SHC2: variants seen among roughly 807,000 people sequenced by gnomAD.
SHC2 encodes the protein SHC-transforming protein 2.
A neutral mutation model predicts 60.6 loss-of-function variants in SHC2; 62 were observed. The ratio of observed to expected loss-of-function variants is 1.02; its 90% CI spans 0.83 to 1.26. The LOEUF is 1.26. SHC2 is among the 50% of genes most tolerant of loss of function. The probability of loss-of-function intolerance (pLI) is 0.00; values close to 1 mark genes in which losing one functional copy is unlikely to be tolerated. For missense variants in SHC2, 873 were observed against 822.2 expected (o/e 1.06, Z -0.76); for synonymous variants, 375 against 372.4 (o/e 1.01, Z -0.08).
At chr19:458,757 C>T (rs113686673) in intron 1 of SHC2, among the ~76,000 whole-genome samples, 64 of 61,582 alleles carry the variant, frequency 1.0e-3, no homozygotes, top group African/African-American at 1.3e-3. Flanking sequence ...AAGCGGGTCC[C>T]GGGGAGGCGG....
chr19:446,601 G>A lies in SHC2; in HGVS notation c.469-5669C>T, dbSNP rs1032435081. Among the ~76,000 whole-genome samples, 26 of 152,272 alleles carry A rather than the reference G, an allele frequency of 1.7e-4. 1 individual carries two copies. Among genetic ancestry groups the A allele is most frequent in the Admixed American group, 7.8e-4 (12 of 15,294 alleles). ...ACTACAGGCGTGAGTCACCGCGCCC[G>A]GCTGTCTGTGTTGTTTTAAGCCCCA... On this transcript the variant is annotated intron_variant, in intron 1 of 12. Transcript: ENST00000264554. The surrounding 1 kb of genome is among the most constrained non-coding windows in gnomAD (Gnocchi z 5.4).
Position 460,877 on chromosome 19 carries a change from CG to C in SHC2, c.119del (p.Pro40ArgfsTer139), listed in dbSNP as rs1204453762. 1 of 989,050 alleles carries C rather than the reference CG, an allele frequency of 1.0e-6. No homozygotes were observed. Among genetic ancestry groups the C allele is most frequent in the Non-Finnish European group, 1.2e-6 (1 of 834,114 alleles). 61.3% of individuals were successfully genotyped at this position (989,050 alleles called of 1,614,324 possible). On this transcript the variant is annotated frameshift_variant, in exon 1 of 13. Coordinates refer to ENST00000264554, the MANE Select transcript of SHC2 (RefSeq NM_012435.3). LOFTEE classifies it high-confidence loss of function. ...PRMPQWKFAA[P>X]GGFLGRGPAA... ...CCGGGCCGCGGCCCAGGAAGCCGCC[CG>C]GGGCCGCGAACTTCCACTGCGGCAT...
intron 12 of SHC2, among the ~76,000 whole-genome samples, chr19:417,629 T>A (rs1343784969): frequency 4.6e-5 from 7 of 152,246 alleles, no homozygotes; most frequent in Non-Finnish European, 5.9e-5. Context: ...AACGGCCTCC[T>A]GAGCAGGAAT....
chr19:449,391 A>C (rs1361785764), intron 1 of SHC2, among the ~76,000 whole-genome samples: 1 of 152,014 alleles, frequency 6.6e-6, no homozygotes, highest in African/African-American at 2.4e-5. Flanking sequence ...GGATGGCTAA[A>C]TGCAATGTGG....
chr19:442,328 ATGGG>A (rs1039769638), intron 1 of SHC2, among the ~76,000 whole-genome samples: 1 of 141,182 alleles, frequency 7.1e-6, no homozygotes, highest in Non-Finnish European at 1.5e-5. Context: ...CAATGAATGG[ATGGG>A]TGGGTGGATG....
chr19:437,182 G>A (rs996620350), intron 4 of SHC2, among the ~76,000 whole-genome samples: 3 of 152,090 alleles, frequency 2.0e-5, no homozygotes, highest in African/African-American at 4.8e-5. Flanking sequence ...CTGCATGCTC[G>A]TTTGCATGCT....
chr19:452,456 C>T (rs1338787541), intron 1 of SHC2, among the ~76,000 whole-genome samples: 1 of 126,484 alleles, frequency 7.9e-6, no homozygotes, highest in Admixed American at 8.3e-5. Context: ...CATAGGTGTG[C>T]GTTTCTCCAT....
rs368255121 is a variant in SHC2 at position 450,321 on chromosome 19, G to A, written c.469-9389C>T. On this transcript the variant is annotated intron_variant, in intron 1 of 12. Coordinates refer to ENST00000264554, the MANE Select transcript of SHC2 (RefSeq NM_012435.3). Reference sequence around the variant, plus strand: ...TGACGCAAGAGAGTGGCGCGTTTTCGTGTGCTTGCTTTTTTATTGTGGTAA... The same window carrying A: ...TGACGCAAGAGAGTGGCGCGTTTTCATGTGCTTGCTTTTTTATTGTGGTAA... 1.1e-4 allele frequency among the ~76,000 whole-genome samples: 17 copies of A among 152,324 alleles called. No homozygotes were observed. In the South Asian group the frequency reaches 2.1e-3, roughly 19 times the overall value.
chr19:418,378 T>C lies in SHC2; in HGVS notation c.*5+545A>G, dbSNP rs557866786. 1.4e-4 allele frequency among the ~76,000 whole-genome samples: 21 copies of C among 152,316 alleles called. No individual in the cohort carries two copies. In the South Asian group the frequency reaches 1.7e-3, roughly 12 times the overall value. On this transcript the variant is annotated intron_variant, in intron 12 of 12. Coordinates refer to ENST00000264554, the MANE Select transcript of SHC2 (RefSeq NM_012435.3). ...CTGCACGCTGCCACCCTCGGGCACA[T>C]ATCCACCCACGGGCAGTGACGCGTG...
At chr19:426,333 G>A (rs973120705) in intron 9 of SHC2, among the ~76,000 whole-genome samples, 9 of 151,034 alleles carry the variant, frequency 6.0e-5, no homozygotes, top group Non-Finnish European at 1.2e-4. Context: ...GCAGTTCCAA[G>A]AGTCCGGGGA....
At chr19:452,236 T>C (rs1975219302) in intron 1 of SHC2, among the ~76,000 whole-genome samples, 1 of 130,540 alleles carries the variant, frequency 7.7e-6, no homozygotes, top group African/African-American at 3.1e-5. Flanking sequence ...CGTACTGACT[T>C]GGGGGGAGTT....
Position 425,090 on chromosome 19 carries a change from C to T in SHC2, c.1309+7G>A. On this transcript the variant is annotated splice_region_variant and intron_variant, in intron 10 of 12. Coordinates refer to ENST00000264554, the MANE Select transcript of SHC2 (RefSeq NM_012435.3). This position sits in a 1 kb window ranked among gnomAD's most constrained non-coding sequence, Gnocchi z 4.1. ...CGATGACGGCCGCCCCCCAGGCTGC[C>T]ACATACGCATGTCAAACAGATCCTT... is the stretch of plus-strand genomic sequence containing the variant. The T allele has an allele frequency of 7.2e-7, 1 of 1,389,964 alleles. No individual in the cohort carries two copies. The highest frequency in any genetic ancestry group is 1.9e-5 in the South Asian group (1 of 53,170). 86.1% of individuals were successfully genotyped at this position (1,389,964 alleles called of 1,614,324 possible). A position where few individuals can be genotyped will look rare whatever the true frequency, so the allele number is the denominator to read the frequency against.
rs971441188 is a variant in SHC2, at chr19:422,024, C to T, written c.1620+122G>A. 31 of 1,026,868 alleles carry T rather than the reference C, an allele frequency of 3.0e-5. No homozygotes were observed. The East Asian group carries it at 3.8e-4, about 13-fold the overall frequency. The allele number at this position is 1,026,868 out of a possible 1,614,324, so 63.6% of individuals were successfully genotyped here. ...AAGCTCCTGCATGCCCCGAGACCCT[C>T]GAGACCCTTGAGACCCTCCCACCTG... On this transcript the variant is annotated intron_variant, in intron 11 of 12. Coordinates refer to ENST00000264554, the MANE Select transcript of SHC2 (RefSeq NM_012435.3). This position sits in a 1 kb window ranked among gnomAD's most constrained non-coding sequence, Gnocchi z 5.0.
chr19:428,044 CAGTG>C (rs1974466563), intron 9 of SHC2, among the ~76,000 whole-genome samples: 1 of 152,140 alleles, frequency 6.6e-6, no homozygotes, highest in African/African-American at 2.4e-5. Context: ...GCCTGGGAAA[CAGTG>C]AGACCTCACC....
At chr19:435,993 G>T (rs1600294400) in intron 7 of SHC2, 172 bp downstream of exon 7, 1 of 678,170 alleles carries the variant, frequency 1.5e-6, no homozygotes, top group Non-Finnish European at 2.4e-6. Flanking sequence ...GTTTACTCGG[G>T]TGTTAACAGC....
intron 1 of SHC2, among the ~76,000 whole-genome samples, chr19:455,906 A>C (rs866822911): frequency 2.6e-5 from 4 of 152,010 alleles, no homozygotes; most frequent in African/African-American, 9.7e-5. Context: ...ACTCGGTCCC[A>C]CCTGCAGGTC....
intron 9 of SHC2, among the ~76,000 whole-genome samples, chr19:427,954 G>C (rs944212977): frequency 2.6e-5 from 4 of 151,478 alleles, no homozygotes; most frequent in Admixed American, 6.6e-5. Context: ...CATGGCACAG[G>C]GGAGGGGACG....
Position 417,207 on chromosome 19 carries a change from G to C in SHC2, c.*121C>G, listed in dbSNP as rs1293051566. On this transcript the variant is annotated 3_prime_UTR_variant, in exon 13 of 13. Transcript: ENST00000264554. ...GCCAGAGGCTCATGCGGAGGAAGGA[G>C]AGGCAGCGGTGGTTCGGCCTGACCA... 6.5e-6 allele frequency: 1 copy of C among 152,966 alleles called. No individual in the cohort carries two copies. Among genetic ancestry groups the C allele is most frequent in the East Asian group, 1.9e-4 (1 of 5,198 alleles). 9.5% of individuals were successfully genotyped at this position (152,966 alleles called of 1,614,324 possible). A position where few individuals can be genotyped will look rare whatever the true frequency, so the allele number is the denominator to read the frequency against.
chr19:445,772 G>A lies in SHC2; in HGVS notation c.469-4840C>T, dbSNP rs889907387. ...ATTTTTGCCGGGCGCGGTGGCTCAC[G>A]CCTGTAATCCCAGCACTTTGGGAGG... On this transcript the variant is annotated intron_variant, in intron 1 of 12. Coordinates refer to ENST00000264554, the MANE Select transcript of SHC2 (RefSeq NM_012435.3). This position sits in a 1 kb window ranked among gnomAD's most constrained non-coding sequence, Gnocchi z 4.4. Among the ~76,000 whole-genome samples, 5 of 152,088 alleles carry A rather than the reference G, an allele frequency of 3.3e-5. No homozygotes were observed. The highest frequency in any genetic ancestry group is 1.2e-4 in the African/African-American group (5 of 41,410).
Sources: allele counts gnomAD v4.1 joint callset (sites outside exome capture counted in the v4.1 genomes callset), GRCh38; gene constraint gnomAD v4.1.1; non-coding constraint Gnocchi (gnomAD v3.1); transcripts MANE v1.5; gene names NCBI Gene and HGNC (gene_info 2026-07-23, HGNC 2026-07-21).